The following ITIH2 variants were observed in gnomAD, a reference collection of about 807,000 sequenced individuals.
ITIH2 encodes the protein inter-alpha-trypsin inhibitor heavy chain 2, also known as inter-alpha-trypsin inhibitor heavy chain H2.
In ITIH2, 103 loss-of-function variants were observed where a neutral mutation model predicts 104.4. The observed-to-expected ratio is 0.99, with a 90% CI of 0.84 to 1.16. The LOEUF is 1.16. ITIH2 is among the 50% of genes most tolerant of loss of function. The probability of loss-of-function intolerance (pLI) is 0.00; values close to 1 mark genes in which losing one functional copy is unlikely to be tolerated. For missense variants in ITIH2, 1,108 were observed against 1,162.4 expected, an observed-to-expected ratio of 0.95 and a Z score of 0.68; for synonymous variants, 436 against 435.4, an observed-to-expected ratio of 1.00 and a Z score of -0.02.
intron 14 of ITIH2, among the ~76,000 whole-genome samples, chr10:7,733,813 T>C (rs994025408): frequency 1.3e-5 from 2 of 152,044 alleles, no homozygotes; most frequent in African/African-American, 4.8e-5. Context: ...AGGGTCTAAA[T>C]GAGGCTGGGA....
intron 16 of ITIH2, among the ~76,000 whole-genome samples, chr10:7,739,881 C>G (rs1483022154): frequency 6.6e-6 from 1 of 150,454 alleles, no homozygotes; most frequent in Non-Finnish European, 1.5e-5. Context: ...AGAGGGAGAC[C>G]CTGTTTCAAA....
intron 18 of ITIH2, 94 bp downstream of exon 18, chr10:7,744,374 C>A: frequency 1.8e-6 from 2 of 1,096,706 alleles, no homozygotes; most frequent in Non-Finnish European, 1.3e-6. Flanking sequence ...GAAAAAAAAT[C>A]ATCATTTTAA....
intron 20 of ITIH2, among the ~76,000 whole-genome samples, chr10:7,747,218 AT>A (rs1835186953): frequency 6.6e-6 from 1 of 152,004 alleles, no homozygotes; most frequent in Non-Finnish European, 1.5e-5. Context: ...AAATCTTGAT[AT>A]TTTTTCCCAG....
rs571292946 is a variant in ITIH2 at position 7,714,214 on chromosome 10, C to A, written c.467+929C>A. On this transcript the variant is annotated intron_variant, in intron 5 of 20. Coordinates refer to ENST00000358415, the MANE Select transcript of ITIH2 (RefSeq NM_002216.3). ...TGAGACGGAATCTCGCTCTGTCGCC[C>A]AGGCTGGAGTGCAGTGGTGCGATCT... Among the ~76,000 whole-genome samples, 108 of 142,672 alleles carry A rather than the reference C, an allele frequency of 7.6e-4. 1 individual carries two copies. Among genetic ancestry groups the A allele is most frequent in the African/African-American group, 2.8e-3 (105 of 37,866 alleles). The allele number at this position is 142,672 out of a possible 152,430, so 93.6% of individuals were successfully genotyped here. A position where few individuals can be genotyped will look rare whatever the true frequency, so the allele number is the denominator to read the frequency against.
Position 7,735,046 on chromosome 10 carries a change from C to G in ITIH2, c.1912C>G (p.Arg638Gly). Residue 638 changes from arginine to glycine, a missense_variant, in exon 15 of 21, where the codon CGC becomes GGC. Transcript: ENST00000358415. ...LVIENEAGDERMLADAPPQDP... is the reference protein window; with the variant it reads ...LVIENEAGDEGMLADAPPQDP... ...GATCGAGAACGAGGCTGGGGATGAG[C>G]GCATGCTGGCGGATGCCCCACCGCA... is the stretch of plus-strand genomic sequence containing the variant. 1 of 1,612,650 alleles carries G rather than the reference C, an allele frequency of 6.2e-7. No individual in the cohort carries two copies. Among genetic ancestry groups the G allele is most frequent in the Non-Finnish European group, 8.5e-7 (1 of 1,180,010 alleles).
chr10:7,707,654 C>T lies in ITIH2; in HGVS notation c.192+421C>T, dbSNP rs1834759990. Among the ~76,000 whole-genome samples the T allele has an allele frequency of 3.9e-5, 6 of 152,250 alleles. No homozygotes were observed. The South Asian group carries it at 1.2e-3, about 32-fold the overall frequency. ...GATCTCAGCTCACTGCAACCTCTGC[C>T]CCCTGGGTTCAAGAGATTCTCTGCC... On this transcript the variant is annotated intron_variant, in intron 3 of 20. Transcript: ENST00000358415.
intron 4 of ITIH2, 64 bp downstream of exon 4, chr10:7,709,255 A>C (rs1456277472): frequency 6.9e-7 from 1 of 1,448,130 alleles, no homozygotes; most frequent in Non-Finnish European, 9.7e-7. Context: ...AAAACCCCTC[A>C]TAGTTAGAAT....
intron 15 of ITIH2, among the ~76,000 whole-genome samples, chr10:7,736,211 A>G (rs890985407): frequency 2.2e-4 from 34 of 151,936 alleles, no homozygotes; most frequent in African/African-American, 8.0e-4. Context: ...AGAAAAAAAT[A>G]CTAAAATTAG....
chr10:7,730,117 C>T lies in ITIH2; in HGVS notation c.1445C>T (p.Thr482Met), dbSNP rs968030730. 1.2e-5 allele frequency: 19 copies of T among 1,594,858 alleles called. No individual in the cohort carries two copies. The highest frequency in any genetic ancestry group is 1.1e-4 in the East Asian group (5 of 44,722). Reference sequence around the variant, plus strand: ...CAAAGGATTTATGGAAACCAGGACACGTCTTCCCAGCTTAAGGTAACATTT... The same window carrying T: ...CAAAGGATTTATGGAAACCAGGACATGTCTTCCCAGCTTAAGGTAACATTT... ...IAQRIYGNQD[T>M]SSQLKKFYNQ... The change falls in exon 12 of 21, where the codon ACG (threonine) becomes ATG (methionine). Residue 482 changes from threonine to methionine, a missense_variant. Thr to Met is a moderately conservative substitution (Grantham distance 81). Transcript: ENST00000358415.
At position 7,749,175 on chromosome 10, in the gene ITIH2, G is replaced by C; in HGVS notation, c.2694-12G>C. Reference sequence around the variant, plus strand: ...CAGTCTCCCCCTAACCACATGCCTTGCTTCCTTGCAGGGGCTTACAGAAAG... The same window carrying C: ...CAGTCTCCCCCTAACCACATGCCTTCCTTCCTTGCAGGGGCTTACAGAAAG... On this transcript the variant is annotated splice_polypyrimidine_tract_variant and intron_variant, in intron 20 of 20. Coordinates refer to ENST00000358415, the MANE Select transcript of ITIH2 (RefSeq NM_002216.3). 6.2e-7 allele frequency: 1 copy of C among 1,613,850 alleles called. No individual in the cohort carries two copies.
chr10:7,727,916 C>A, intron 11 of ITIH2, 88 bp downstream of exon 11: 1 of 1,437,418 alleles, frequency 7.0e-7, no homozygotes, highest in Non-Finnish European at 9.7e-7. Context: ...ACTCTAATGG[C>A]ATTTGCCTGA....
intron 20 of ITIH2, 147 bp downstream of exon 20, chr10:7,746,851 C>T: frequency 8.7e-6 from 5 of 573,326 alleles, no homozygotes; most frequent in Admixed American, 2.9e-5. Flanking sequence ...ACACAGCATT[C>T]GCATAAGGAC....
chr10:7,723,153 C>CGTGGAGTGGAGTGACGTGGA (rs1834921944), intron 8 of ITIH2, among the ~76,000 whole-genome samples: 1 of 140,690 alleles, frequency 7.1e-6, no homozygotes, highest in Non-Finnish European at 1.5e-5. Context: ...AGTGGCGTGG[C>CGTGGAGTGGAGTGACGTGGA]GTGGAGTGGT....
rs1835181201 is a variant in ITIH2, at chr10:7,746,693, G to T, written c.2682G>T (p.Leu894=). The T allele has an allele frequency of 1.2e-6, 2 of 1,610,210 alleles. No individual in the cohort carries two copies. The highest frequency in any genetic ancestry group is 3.3e-5 in the Admixed American group (2 of 59,962). ...EASMEVKGQK[L]IITRGLQKDY... is the part of the protein sequence containing the mutation. ...GCATGGAAGTGAAGGGGCAGAAGCT[G>T]ATCATCACCAGGTAGGCCTCGGGCG... The change falls in exon 20 of 21, where the codon CTG becomes CTT. Residue 894 remains leucine (L), a synonymous_variant. Coordinates refer to ENST00000358415, the MANE Select transcript of ITIH2 (RefSeq NM_002216.3).
In ITIH2 at chr10:7,709,230, T is replaced by A. The variant is rs764394297; in HGVS notation, c.362+39T>A. ...GTGTAGAGCCAGAAATTGTAGGTGC[T>A]CTACTCACAGAATCAAAACCCCTCA... On this transcript the variant is annotated intron_variant, in intron 4 of 20. Coordinates refer to ENST00000358415, the MANE Select transcript of ITIH2 (RefSeq NM_002216.3). The A allele has an allele frequency of 4.4e-6, 7 of 1,579,442 alleles. No individual in the cohort carries two copies. The South Asian group carries it at 7.7e-5, about 17-fold the overall frequency.
At chr10:7,733,619 G>A (rs1457196981) in intron 14 of ITIH2, among the ~76,000 whole-genome samples, 2 of 152,178 alleles carry the variant, frequency 1.3e-5, no homozygotes, top group African/African-American at 2.4e-5. Flanking sequence ...GCTCCCCCAT[G>A]CTCATCCATG....
chr10:7,708,692 C>T (rs1834769300), intron 3 of ITIH2, among the ~76,000 whole-genome samples: 1 of 152,134 alleles, frequency 6.6e-6, no homozygotes, highest in Non-Finnish European at 1.5e-5. Flanking sequence ...GGAGTTATTA[C>T]CTGGACTTCC....
At chr10:7,731,285 A>G (rs1174959795) in intron 12 of ITIH2, among the ~76,000 whole-genome samples, 1 of 152,216 alleles carries the variant, frequency 6.6e-6, no homozygotes, top group Non-Finnish European at 1.5e-5. Flanking sequence ...AGGGAAAAAA[A>G]TGCCAGGCTC....
At chr10:7,724,772 T>C (rs1257516280) in intron 9 of ITIH2, among the ~76,000 whole-genome samples, 1 of 151,884 alleles carries the variant, frequency 6.6e-6, no homozygotes, top group Non-Finnish European at 1.5e-5. Context: ...AGCAGCATGG[T>C]CTATGGTCTA....
Sources: allele counts gnomAD v4.1 joint callset (sites outside exome capture counted in the v4.1 genomes callset), GRCh38; gene constraint gnomAD v4.1.1; transcripts MANE v1.5; gene names NCBI Gene and HGNC (gene_info 2026-07-23, HGNC 2026-07-21).